Variants in RHOU observed in about 807,000 individuals in gnomAD.
RHOU encodes ras homolog family member U.
RHOU carries 8 observed loss-of-function variants against 12.6 expected under a neutral mutation model. The observed-to-expected ratio is 0.64, with a 90% CI of 0.37 to 1.15. RHOU has a LOEUF of 1.15. Ranked by LOEUF, RHOU falls within the 50% of genes most tolerant of loss-of-function variation. The pLI, the probability that RHOU is intolerant of heterozygous loss-of-function variation, is 0.01. For synonymous variants in RHOU, 161 were observed against 147.4 expected, an observed-to-expected ratio of 1.09 and a Z score of -0.67; for missense variants, 258 against 347.0, an observed-to-expected ratio of 0.74 and a Z score of 2.04.
chr1:228,730,919 T>C (rs1407605156), upstream of RHOU, among the ~76,000 whole-genome samples: 2 of 152,332 alleles, frequency 1.3e-5, no homozygotes, highest in East Asian at 3.9e-4. Flanking sequence ...GCAAGGAATA[T>C]GTTGAGCAGA....
At chr1:228,707,097 T>C in the RHOU span, among the ~76,000 whole-genome samples, 9 of 111,074 alleles carry the variant, frequency 8.1e-5, no homozygotes, top group Admixed American at 6.7e-4. Flanking sequence ...TTAGGACATA[T>C]ATACATACAT....
the RHOU span, among the ~76,000 whole-genome samples, chr1:228,673,071 G>A: frequency 3.3e-5 from 5 of 152,100 alleles, no homozygotes; most frequent in African/African-American, 1.2e-4. Context: ...TGAAATATAC[G>A]TGCCCCAAAT....
chr1:228,699,130 T>C, the RHOU span, among the ~76,000 whole-genome samples: 1 of 151,272 alleles, frequency 6.6e-6, no homozygotes, highest in Non-Finnish European at 1.5e-5. Flanking sequence ...TACTCTGGCA[T>C]AATGTATTAA....
At chr1:228,708,289 A>G in the RHOU span, among the ~76,000 whole-genome samples, 1 of 152,082 alleles carries the variant, frequency 6.6e-6, no homozygotes, top group South Asian at 2.1e-4. Context: ...CAACATTCAG[A>G]TTCAGGAAAT....
At chr1:228,700,628 A>G in the RHOU span, among the ~76,000 whole-genome samples, 2 of 152,230 alleles carry the variant, frequency 1.3e-5, no homozygotes, top group Non-Finnish European at 2.9e-5. Flanking sequence ...ATTTCTAAGG[A>G]CATAATAACC....
the RHOU span, among the ~76,000 whole-genome samples, chr1:228,647,046 A>T: frequency 1.1e-4 from 16 of 152,100 alleles, no homozygotes; most frequent in Non-Finnish European, 1.5e-5. Flanking sequence ...AGGAGGAGGG[A>T]GCTAGAGAGC....
the RHOU span, among the ~76,000 whole-genome samples, chr1:228,663,631 T>TC: frequency 7.6e-6 from 1 of 131,242 alleles, no homozygotes. Flanking sequence ...TTTTCTTTTT[T>TC]TTTTTTTTTT....
At chr1:228,674,775 G>C in the RHOU span, among the ~76,000 whole-genome samples, 1 of 151,784 alleles carries the variant, frequency 6.6e-6, no homozygotes. Context: ...CTGTCGCCCA[G>C]GCTGGAGTGC....
rs878921263 is a variant in RHOU, at chr1:228,745,157, A to G, written c.*1417A>G. On this transcript the variant is annotated 3_prime_UTR_variant, in exon 3 of 3. Coordinates refer to ENST00000366691, the MANE Select transcript of RHOU (RefSeq NM_021205.6). The stretch of plus-strand genomic sequence containing the variant: ...CCCATACTTGGCTGCTTCCTGTGAC[A>G]GTGAAATACATCCTTCAAGGTGGCA... The G allele has an allele frequency of 2.0e-5, 3 of 152,238 alleles. No individual in the cohort carries two copies. The South Asian group carries it at 6.2e-4, about 31-fold the overall frequency. The allele number at this position is 152,238 out of a possible 1,614,324, so 9.4% of individuals were successfully genotyped here.
In RHOU at chr1:228,744,025, G is replaced by T. The variant is rs556940066; in HGVS notation, c.*285G>T. 1.2e-5 allele frequency: 4 copies of T among 329,724 alleles called. No homozygotes were observed. Among genetic ancestry groups the T allele is most frequent in the Non-Finnish European group, 1.7e-5 (3 of 179,544 alleles). The allele number at this position is 329,724 out of a possible 1,614,324, so 20.4% of individuals were successfully genotyped here. ...CCTCTGGTTAATTTATATCTAATATGAAGAAGACACCTCTAATCTGGATGT... is the reference window on the plus strand; with the variant it reads ...CCTCTGGTTAATTTATATCTAATATTAAGAAGACACCTCTAATCTGGATGT... On this transcript the variant is annotated 3_prime_UTR_variant, in exon 3 of 3. Coordinates refer to ENST00000366691, the MANE Select transcript of RHOU (RefSeq NM_021205.6).
the RHOU span, among the ~76,000 whole-genome samples, chr1:228,655,264 C>G: frequency 1.3e-5 from 2 of 152,024 alleles, no homozygotes; most frequent in South Asian, 4.2e-4. Context: ...CCACCATACC[C>G]AGCTAATTTT....
the RHOU span, chr1:228,687,901 T>C: frequency 5.0e-6 from 4 of 806,922 alleles, no homozygotes; most frequent in Non-Finnish European, 8.6e-6. Context: ...TCTAACATAT[T>C]GTTCTCCCCC....
chr1:228,669,595 A>G, the RHOU span, among the ~76,000 whole-genome samples: 1 of 152,182 alleles, frequency 6.6e-6, no homozygotes, highest in Non-Finnish European at 1.5e-5. Flanking sequence ...AACTTATGAA[A>G]TGTTATTGGA....
At chr1:228,669,192 G>C in the RHOU span, among the ~76,000 whole-genome samples, 1 of 152,244 alleles carries the variant, frequency 6.6e-6, no homozygotes, top group Non-Finnish European at 1.5e-5. Flanking sequence ...CAAGAACCCA[G>C]TCCCCCAACC....
At chr1:228,656,152 A>T in the RHOU span, among the ~76,000 whole-genome samples, 2 of 152,130 alleles carry the variant, frequency 1.3e-5, no homozygotes, top group African/African-American at 4.8e-5. Flanking sequence ...GCTTAGTCTC[A>T]AATAAATATC....
At chr1:228,655,649 C>T in the RHOU span, among the ~76,000 whole-genome samples, 1 of 152,214 alleles carries the variant, frequency 6.6e-6, no homozygotes. Flanking sequence ...GATTCATTTC[C>T]CTTGAACACA....
chr1:228,724,616 G>C, the RHOU span, among the ~76,000 whole-genome samples: 2 of 152,092 alleles, frequency 1.3e-5, no homozygotes, highest in Non-Finnish European at 2.9e-5. Context: ...CAGGCCCAGC[G>C]AGGTGAGAAC....
chr1:228,733,868 G>A (rs1188687557), upstream of RHOU, among the ~76,000 whole-genome samples: 1 of 152,234 alleles, frequency 6.6e-6, no homozygotes, highest in African/African-American at 2.4e-5. Flanking sequence ...GGGCGAGGGA[G>A]AGGCAAGTCA....
the RHOU span, among the ~76,000 whole-genome samples, chr1:228,673,604 G>T: frequency 6.6e-6 from 1 of 152,290 alleles, no homozygotes; most frequent in East Asian, 1.9e-4. Flanking sequence ...TTGTTTAAAA[G>T]TGTGTAGCAC....
Sources: gnomAD v4.1 joint callset for allele counts (sites outside exome capture counted in the v4.1 genomes callset) on GRCh38, gnomAD v4.1.1 for gene constraint, MANE v1.5 for transcripts, NCBI Gene and HGNC (gene_info 2026-07-23, HGNC 2026-07-21) for gene names.